The following LGSN variants were observed in gnomAD, a reference collection of about 807,000 sequenced individuals.
The protein encoded by LGSN is lengsin, lens protein with glutamine synthetase domain.
In LGSN, 21 loss-of-function variants were observed where a neutral mutation model predicts 19.5. The observed-to-expected ratio is 1.07, with a 90% CI of 0.76 to 1.55. LGSN has a LOEUF of 1.55. Among genes scored for constraint, LGSN ranks in the 40% most tolerant of loss-of-function variants. The pLI is 0.00. For synonymous variants in LGSN, 257 were observed against 215.6 expected (o/e 1.19, Z -1.68); for missense variants, 673 against 608.5 (o/e 1.11, Z -1.12).
the LGSN span, among the ~76,000 whole-genome samples, chr6:63,382,155 A>G: frequency 6.6e-6 from 1 of 152,222 alleles, no homozygotes; most frequent in South Asian, 2.1e-4. Context: ...AATGTATTAT[A>G]TTTCATAAGC....
the LGSN span, among the ~76,000 whole-genome samples, chr6:63,384,043 T>C: frequency 2.6e-5 from 4 of 152,190 alleles, no homozygotes; most frequent in African/African-American, 7.2e-5. Flanking sequence ...CACTCCTTAG[T>C]GTATTTACAG....
chr6:63,355,593 C>A, the LGSN span, among the ~76,000 whole-genome samples: 2 of 152,088 alleles, frequency 1.3e-5, no homozygotes, highest in Non-Finnish European at 2.9e-5. Flanking sequence ...GGAGGAAAAT[C>A]TTTCCTGGCC....
the LGSN span, among the ~76,000 whole-genome samples, chr6:63,333,286 G>A: frequency 2.0e-5 from 3 of 151,936 alleles, no homozygotes; most frequent in African/African-American, 7.2e-5. Context: ...GCTGAGGACT[G>A]GATGGATTAA....
chr6:63,462,017 A>G, the LGSN span, among the ~76,000 whole-genome samples: 1 of 152,212 alleles, frequency 6.6e-6, no homozygotes, highest in Non-Finnish European at 1.5e-5. Context: ...GTGGGAAAGA[A>G]TCTGGTACTA....
At chr6:63,395,173 A>T in the LGSN span, 1 of 152,334 alleles carries the variant, frequency 6.6e-6, no homozygotes, top group African/African-American at 2.4e-5. Flanking sequence ...GTTCTTAAGA[A>T]TAGCATGGAA....
chr6:63,448,605 A>G, the LGSN span, among the ~76,000 whole-genome samples: 1 of 152,116 alleles, frequency 6.6e-6, no homozygotes, highest in Non-Finnish European at 1.5e-5. Context: ...TCATTAAAAA[A>G]AAAAAGTTAA....
the LGSN span, chr6:63,481,756 G>T: frequency 3.9e-6 from 1 of 259,364 alleles, no homozygotes. Context: ...AGTGGGATAC[G>T]GAATTTTAAA....
chr6:63,392,049 A>G, the LGSN span, among the ~76,000 whole-genome samples: 2 of 152,254 alleles, frequency 1.3e-5, no homozygotes, highest in Admixed American at 1.3e-4. Flanking sequence ...CATGTACTGT[A>G]TAAAAACATT....
At chr6:63,405,523 T>C in the LGSN span, among the ~76,000 whole-genome samples, 123 of 152,328 alleles carry the variant, frequency 8.1e-4, no homozygotes, top group African/African-American at 2.4e-3. Context: ...TGGTATCTCA[T>C]TGCAGTTTTG....
the LGSN span, among the ~76,000 whole-genome samples, chr6:63,404,128 C>T: frequency 6.6e-6 from 1 of 152,080 alleles, no homozygotes; most frequent in East Asian, 1.9e-4. Context: ...CCTATGAGAC[C>T]TTAAGCGAAG....
At chr6:63,522,837 T>C in the LGSN span, among the ~76,000 whole-genome samples, 1 of 151,300 alleles carries the variant, frequency 6.6e-6, no homozygotes, top group East Asian at 1.9e-4. Flanking sequence ...GGTCGTGAAA[T>C]GATCCCCTTT....
At chr6:63,493,367 A>G in the LGSN span, among the ~76,000 whole-genome samples, 1,929 of 152,350 alleles carry the variant, frequency 0.013, 33 homozygotes, top group African/African-American at 0.043. Flanking sequence ...GACTCAGCTT[A>G]TAGGTGACAA....
chr6:63,494,534 CT>C, the LGSN span, among the ~76,000 whole-genome samples: 1 of 152,116 alleles, frequency 6.6e-6, no homozygotes, highest in Non-Finnish European at 1.5e-5. Context: ...ATTTGAAGGT[CT>C]TTGAGAATTG....
At chr6:63,545,657 C>T in the LGSN span, among the ~76,000 whole-genome samples, 1 of 151,674 alleles carries the variant, frequency 6.6e-6, no homozygotes, top group Non-Finnish European at 1.5e-5. Context: ...TTACCTTGTA[C>T]TTTTCCTGCC....
At chr6:63,325,746 G>T in the LGSN span, among the ~76,000 whole-genome samples, 2 of 152,138 alleles carry the variant, frequency 1.3e-5, no homozygotes, top group African/African-American at 4.8e-5. Flanking sequence ...TCCTTCTGGT[G>T]GGTTCGTGGT....
the LGSN span, among the ~76,000 whole-genome samples, chr6:63,529,121 GTA>G: frequency 7.1e-6 from 1 of 140,020 alleles, no homozygotes; most frequent in Non-Finnish European, 1.5e-5. Context: ...ATATATATAT[GTA>G]TATATATGTG....
At chr6:63,487,543 G>A in the LGSN span, among the ~76,000 whole-genome samples, 1 of 152,218 alleles carries the variant, frequency 6.6e-6, no homozygotes, top group Non-Finnish European at 1.5e-5. Context: ...AAGCTAACCT[G>A]AATGTTAAGA....
chr6:63,530,458 G>A, the LGSN span, among the ~76,000 whole-genome samples: 1 of 152,106 alleles, frequency 6.6e-6, no homozygotes, highest in African/African-American at 2.4e-5. Flanking sequence ...AGGTAAACAT[G>A]AAGGCTTAGA....
chr6:63,511,190 A>G, the LGSN span, among the ~76,000 whole-genome samples: 4 of 152,006 alleles, frequency 2.6e-5, no homozygotes, highest in Non-Finnish European at 5.9e-5. Context: ...GCCCAATGGA[A>G]GCCCTACAAA....
Sources: gnomAD v4.1 joint callset for allele counts (sites outside exome capture counted in the v4.1 genomes callset) on GRCh38, gnomAD v4.1.1 for gene constraint, MANE v1.5 for transcripts, NCBI Gene and HGNC (gene_info 2026-07-23, HGNC 2026-07-21) for gene names.